Variants in PAK2 observed in about 807,000 individuals in gnomAD.
The protein encoded by PAK2 is serine/threonine-protein kinase PAK 2.
In PAK2, 21 loss-of-function variants were observed where a neutral mutation model predicts 65.9. That is an observed-to-expected ratio of 0.32 (90% CI 0.23 to 0.46). The LOEUF (loss-of-function observed/expected upper bound fraction) is 0.46, where lower values mean the gene tolerates loss of function less well. Among genes scored for constraint, PAK2 ranks in the 20% least tolerant of loss-of-function variants. The pLI, the probability that PAK2 is intolerant of heterozygous loss-of-function variation, is 1.00. For missense variants in PAK2, 324 were observed against 642.6 expected, an observed-to-expected ratio of 0.50 and a Z score of 5.36; for synonymous variants, 204 against 219.7, an observed-to-expected ratio of 0.93 and a Z score of 0.63.
chr3:196,813,086 T>C (rs886918389), intron 10 of PAK2, among the ~76,000 whole-genome samples: 1 of 152,100 alleles, frequency 6.6e-6, no homozygotes, highest in African/African-American at 2.4e-5. Context: ...TGGTGGTGTT[T>C]ATACTCATCG....
At chr3:196,811,010 G>C (rs536444914) in intron 8 of PAK2, among the ~76,000 whole-genome samples, 1 of 151,942 alleles carries the variant, frequency 6.6e-6, no homozygotes, top group Admixed American at 6.6e-5. Context: ...ATTGACTTTT[G>C]AGTCTACTGA....
At position 196,751,662 on chromosome 3, in the gene PAK2, TTTATTTATATAC is replaced by T. The variant is rs1359798284; in HGVS notation, c.-22+11506_-22+11517del. ...ACTGTCCCCCCAAAAAACACACAAA[TTTATTTATATAC>T]ATATATATATATATATATATAATTC... On this transcript the variant is annotated intron_variant, in intron 1 of 14. Transcript: ENST00000327134. 7.6e-3 allele frequency among the ~76,000 whole-genome samples: 400 copies of T among 52,630 alleles called. 36 individuals are homozygous for T. The highest frequency in any genetic ancestry group is 8.5e-3 in the African/African-American group (97 of 11,434). The allele number at this position is 52,630 out of a possible 152,430, so 34.5% of individuals were successfully genotyped here. A position where few individuals can be genotyped will look rare whatever the true frequency, so the allele number is the denominator to read the frequency against.
intron 2 of PAK2, among the ~76,000 whole-genome samples, chr3:196,796,857 G>A (rs946341312): frequency 6.6e-6 from 1 of 152,110 alleles, no homozygotes; most frequent in Non-Finnish European, 1.5e-5. Context: ...TTGTTATTTC[G>A]TGATAATAGG....
intron 1 of PAK2, among the ~76,000 whole-genome samples, chr3:196,779,934 G>T (rs555555503): frequency 6.6e-6 from 1 of 152,346 alleles, no homozygotes; most frequent in South Asian, 2.1e-4. Flanking sequence ...GCCTCCTAAA[G>T]TGTGGCGTGA....
At chr3:196,808,128 G>T in intron 7 of PAK2, 1 of 397,244 alleles carries the variant, frequency 2.5e-6, no homozygotes. Context: ...GACCAGCCTG[G>T]CCAACATGGT....
chr3:196,778,593 C>G (rs1426756140), intron 1 of PAK2, among the ~76,000 whole-genome samples: 1 of 152,156 alleles, frequency 6.6e-6, no homozygotes, highest in Non-Finnish European at 1.5e-5. Flanking sequence ...AACCGTGATA[C>G]GTATGTCAAA....
chr3:196,752,031 C>T (rs572035405), intron 1 of PAK2, among the ~76,000 whole-genome samples: 1 of 152,172 alleles, frequency 6.6e-6, no homozygotes, highest in South Asian at 2.1e-4. Context: ...GTGTGAGCCA[C>T]CACACCCAGC....
intron 1 of PAK2, among the ~76,000 whole-genome samples, chr3:196,745,274 C>T (rs1432674616): frequency 6.8e-6 from 1 of 146,448 alleles, no homozygotes; most frequent in South Asian, 2.2e-4. Flanking sequence ...TACCATCGCA[C>T]CCAACTGATT....
At chr3:196,800,448 T>C (rs149989495) in intron 2 of PAK2, among the ~76,000 whole-genome samples, 2 of 152,304 alleles carry the variant, frequency 1.3e-5, no homozygotes, top group African/African-American at 4.8e-5. Flanking sequence ...TTCATTCCAA[T>C]TCTAGTCAGA....
At chr3:196,819,365 A>G (rs186400474) in intron 12 of PAK2, among the ~76,000 whole-genome samples, 2 of 152,242 alleles carry the variant, frequency 1.3e-5, no homozygotes, top group Admixed American at 1.3e-4. Context: ...TGGCTTGAGC[A>G]CAGGAGGCAG....
rs962164586 is a variant in PAK2 at position 196,789,202 on chromosome 3, G to C, written c.187+6369G>C. On this transcript the variant is annotated intron_variant, in intron 2 of 14. Coordinates refer to ENST00000327134, the MANE Select transcript of PAK2 (RefSeq NM_002577.4). ...GTTTAAATAATGAAAATGTCAGTGA[G>C]CCATTTGACTTTTTAAAATAAGCTT... Among the ~76,000 whole-genome samples, 3 of 152,286 alleles carry C rather than the reference G, an allele frequency of 2.0e-5. No individual in the cohort carries two copies. The South Asian group carries it at 6.2e-4, about 32-fold the overall frequency.
At chr3:196,767,036 C>T (rs1714192624) in intron 1 of PAK2, among the ~76,000 whole-genome samples, 2 of 143,886 alleles carry the variant, frequency 1.4e-5, no homozygotes, top group Non-Finnish European at 1.5e-5. Flanking sequence ...ATATTTTTTT[C>T]TTCCAACTGG....
At chr3:196,789,791 C>T (rs552249461) in intron 2 of PAK2, among the ~76,000 whole-genome samples, 25 of 152,024 alleles carry the variant, frequency 1.6e-4, no homozygotes, top group South Asian at 8.3e-4. Flanking sequence ...GTGGGGCTGA[C>T]GGGGGGGTGG....
At position 196,765,676 on chromosome 3, in the gene PAK2, G is replaced by C. The variant is rs143554109; in HGVS notation, c.-21-16950G>C. On this transcript the variant is annotated intron_variant, in intron 1 of 14. Transcript: ENST00000327134. ...GTGTTCATTATTTGTCATCACTTGT[G>C]AGAATAGATAATACAGGTATTACTC... Among the ~76,000 whole-genome samples the C allele has an allele frequency of 7.0e-4, 107 of 152,232 alleles. 1 individual carries two copies. Among genetic ancestry groups the C allele is most frequent in the African/African-American group, 2.5e-3 (103 of 41,554 alleles).
chr3:196,776,961 T>C (rs185309132), intron 1 of PAK2, among the ~76,000 whole-genome samples: 2 of 152,288 alleles, frequency 1.3e-5, no homozygotes, highest in Admixed American at 1.3e-4. Context: ...AGACAAGATT[T>C]TTTTCGTAAA....
At chr3:196,745,282 A>ATTT (rs34194625) in intron 1 of PAK2, among the ~76,000 whole-genome samples, 3,227 of 92,628 alleles carry the variant, frequency 0.035, 69 homozygotes, top group Non-Finnish European at 0.041. Flanking sequence ...CACCCAACTG[A>ATTT]TTTTTTTTTT....
chr3:196,812,147 TAA>T lies in PAK2; in HGVS notation c.774-70_774-69del, dbSNP rs1477991695. On this transcript the variant is annotated intron_variant, in intron 8 of 14. Transcript: ENST00000327134. ...AATTCTTTTTCAATTGCTTGAAGTGTAAAGTCTTTGGATATTGCAAATGCTAG... is the reference window on the plus strand; with the variant it reads ...AATTCTTTTTCAATTGCTTGAAGTGTAGTCTTTGGATATTGCAAATGCTAG... 4 of 873,700 alleles carry T rather than the reference TAA, an allele frequency of 4.6e-6. No homozygotes were observed. The East Asian group carries it at 9.7e-5, about 21-fold the overall frequency. The allele number at this position is 873,700 out of a possible 1,614,324, so 54.1% of individuals were successfully genotyped here. A position where few individuals can be genotyped will look rare whatever the true frequency, so the allele number is the denominator to read the frequency against.
intron 1 of PAK2, among the ~76,000 whole-genome samples, chr3:196,757,598 A>G (rs1713812599): frequency 6.8e-6 from 1 of 146,498 alleles, no homozygotes; most frequent in Non-Finnish European, 1.5e-5. Flanking sequence ...AAAAAAATTA[A>G]CCCCAAACCC....
intron 1 of PAK2, among the ~76,000 whole-genome samples, chr3:196,778,056 C>T (rs986254748): frequency 6.6e-6 from 1 of 152,092 alleles, no homozygotes; most frequent in African/African-American, 2.4e-5. Flanking sequence ...TCCCTCACTC[C>T]TTAGCAACCA....
Sources: allele counts gnomAD v4.1 joint callset (sites outside exome capture counted in the v4.1 genomes callset), GRCh38; gene constraint gnomAD v4.1.1; transcripts MANE v1.5; gene names NCBI Gene and HGNC (gene_info 2026-07-23, HGNC 2026-07-21).